The following INVS variants were observed in gnomAD, a reference collection of about 807,000 sequenced individuals.
INVS encodes inversin.
A neutral mutation model predicts 108.8 loss-of-function variants in INVS; 86 were observed. That is an observed-to-expected ratio of 0.79 (90% CI 0.66 to 0.95). INVS has a LOEUF of 0.95. Among genes scored for constraint, INVS ranks in the 40% least tolerant of loss-of-function variants. INVS has a pLI of 0.00. For missense variants in INVS, 1,169 were observed against 1,297.4 expected (o/e 0.90, Z 1.52); for synonymous variants, 455 against 473.5 (o/e 0.96, Z 0.51).
At chr9:100,145,510 G>T (rs1828574923) in intron 3 of INVS, among the ~76,000 whole-genome samples, 1 of 151,960 alleles carries the variant, frequency 6.6e-6, no homozygotes, top group Admixed American at 6.6e-5. Flanking sequence ...AAGGGATCAG[G>T]GGGTTCTTGC....
chr9:100,117,440 T>G, intron 2 of INVS: 2 of 794,332 alleles, frequency 2.5e-6, no homozygotes, highest in Non-Finnish European at 4.4e-6. Context: ...GCGGCCCAGC[T>G]TGGTGACGGG....
chr9:100,259,631 G>A (rs934707604), intron 10 of INVS, among the ~76,000 whole-genome samples: 6 of 145,198 alleles, frequency 4.1e-5, no homozygotes, highest in Non-Finnish European at 6.0e-5. Context: ...TCCACCTCCC[G>A]GGTTCAAGCG....
intron 3 of INVS, among the ~76,000 whole-genome samples, chr9:100,169,787 C>A (rs1416778438): frequency 6.6e-6 from 1 of 152,038 alleles, no homozygotes; most frequent in Non-Finnish European, 1.5e-5. Context: ...ATACTTAGTC[C>A]ATTTCTATAA....
At chr9:100,144,286 T>G (rs935333527) in intron 3 of INVS, among the ~76,000 whole-genome samples, 1 of 152,048 alleles carries the variant, frequency 6.6e-6, no homozygotes, top group African/African-American at 2.4e-5. Flanking sequence ...GCAACTTTTT[T>G]CTATTATTGT....
At chr9:100,100,647 T>C (rs866087276) in intron 1 of INVS, among the ~76,000 whole-genome samples, 5 of 36,498 alleles carry the variant, frequency 1.4e-4, no homozygotes, top group East Asian at 7.1e-4. Context: ...ATTATATATG[T>C]ATATATAATA....
intron 3 of INVS, among the ~76,000 whole-genome samples, chr9:100,156,427 T>C (rs1380186499): frequency 6.6e-6 from 1 of 151,272 alleles, no homozygotes; most frequent in Non-Finnish European, 1.5e-5. Context: ...CACCTGGCTA[T>C]TTTTTTTGTA....
chr9:100,146,544 A>G (rs1025804189), intron 3 of INVS, among the ~76,000 whole-genome samples: 4 of 152,056 alleles, frequency 2.6e-5, no homozygotes, highest in African/African-American at 9.7e-5. Flanking sequence ...GCTTTTTTTC[A>G]CTTAGGATAA....
At chr9:100,100,921 T>TTATATATGC (rs1564112270) in intron 1 of INVS, among the ~76,000 whole-genome samples, 1 of 28,818 alleles carries the variant, frequency 3.5e-5, no homozygotes, top group African/African-American at 3.3e-4. Context: ...ATTATATGTA[T>TTATATATGC]ATATATAATA....
chr9:100,210,215 C>T (rs1187127656), intron 3 of INVS, among the ~76,000 whole-genome samples: 2 of 151,938 alleles, frequency 1.3e-5, no homozygotes, highest in African/African-American at 2.4e-5. Context: ...CTTTCTATTA[C>T]GGTCAAAGGG....
chr9:100,274,955 A>G (rs1185426781), intron 12 of INVS, among the ~76,000 whole-genome samples: 1 of 152,234 alleles, frequency 6.6e-6, no homozygotes, highest in Non-Finnish European at 1.5e-5. Context: ...GAGGCAAGAT[A>G]AGTCATTTTA....
At position 100,291,496 on chromosome 9, in the gene INVS, C is replaced by T. The variant is rs568120650; in HGVS notation, c.2069-830C>T. Among the ~76,000 whole-genome samples the T allele has an allele frequency of 3.7e-4, 57 of 152,268 alleles. No homozygotes were observed. In the South Asian group the frequency reaches 0.011, roughly 30 times the overall value. ...GATCTTGCTATTGTGTTAACTGTTG[C>T]TTATGGTACATTGTTTCCTCATGCA... On this transcript the variant is annotated intron_variant, in intron 13 of 16. Coordinates refer to ENST00000262457, the MANE Select transcript of INVS (RefSeq NM_014425.5).
intron 3 of INVS, among the ~76,000 whole-genome samples, chr9:100,159,818 T>C (rs1181504665): frequency 6.6e-6 from 1 of 152,136 alleles, no homozygotes; most frequent in Middle Eastern, 3.2e-3. Flanking sequence ...TAGCTAAAGG[T>C]TTATTCATCA....
intron 3 of INVS, among the ~76,000 whole-genome samples, chr9:100,218,662 C>G (rs1414999832): frequency 6.6e-6 from 1 of 152,142 alleles, no homozygotes; most frequent in Non-Finnish European, 1.5e-5. Context: ...TTCCTTTTCA[C>G]TGATTGAAAG....
At chr9:100,178,478 A>G (rs2119063279) in intron 3 of INVS, among the ~76,000 whole-genome samples, 1 of 152,364 alleles carries the variant, frequency 6.6e-6, no homozygotes, top group South Asian at 2.1e-4. Flanking sequence ...ACAGCAGGAG[A>G]ACTTTGTGAA....
rs1833373818 is a variant in INVS, at chr9:100,284,495, G to A, written c.1960G>A (p.Glu654Lys). The change falls in exon 13 of 17, where the codon GAG (glutamate) becomes AAG (lysine). Residue 654 changes from glutamate (E) to lysine (K), a missense_variant. Glu to Lys is a moderately conservative substitution (Grantham distance 56). Transcript: ENST00000262457. ...TGCTGGCAACGTGGCCCAAGGCCCT[G>A]AGCCAAGAGACAGCAGAGGATCTCC... ...PPAGNVAQGP[E>K]PRDSRGSPGG... The A allele has an allele frequency of 6.2e-7, 1 of 1,614,154 alleles. No homozygotes were observed.
At chr9:100,161,301 A>G (rs1043941688) in intron 3 of INVS, among the ~76,000 whole-genome samples, 10 of 142,948 alleles carry the variant, frequency 7.0e-5, no homozygotes, top group Admixed American at 7.3e-5. Flanking sequence ...GCTTAAACTC[A>G]GGAGACGAGA....
At chr9:100,260,107 T>C (rs888019451) in intron 10 of INVS, among the ~76,000 whole-genome samples, 3 of 151,862 alleles carry the variant, frequency 2.0e-5, no homozygotes, top group Non-Finnish European at 4.4e-5. Flanking sequence ...CCTGACCTTG[T>C]GATCTGCCTA....
At chr9:100,272,505 A>C (rs1015100718) in intron 11 of INVS, among the ~76,000 whole-genome samples, 4 of 152,186 alleles carry the variant, frequency 2.6e-5, no homozygotes, top group Non-Finnish European at 5.9e-5. Flanking sequence ...TCAAATTTAC[A>C]AATCTCACAA....
intron 5 of INVS, among the ~76,000 whole-genome samples, chr9:100,233,233 C>G (rs1831568553): frequency 6.6e-6 from 1 of 152,154 alleles, no homozygotes; most frequent in South Asian, 2.1e-4. Context: ...TATCCTGAGA[C>G]TTTGCTGAAG....
Sources: gnomAD v4.1 joint callset for allele counts (sites outside exome capture counted in the v4.1 genomes callset) on GRCh38, gnomAD v4.1.1 for gene constraint, MANE v1.5 for transcripts, NCBI Gene and HGNC (gene_info 2026-07-23, HGNC 2026-07-21) for gene names.